The following RPS6KB1 variants were observed in gnomAD, a reference collection of about 807,000 sequenced individuals.
RPS6KB1 encodes the protein ribosomal protein S6 kinase B1.
A neutral mutation model predicts 70.2 loss-of-function variants in RPS6KB1; 12 were observed. The observed-to-expected ratio is 0.17, with a 90% confidence interval of 0.11 to 0.28. The LOEUF (loss-of-function observed/expected upper bound fraction) is 0.28, where lower values mean the gene tolerates loss of function less well. Among genes scored for constraint, RPS6KB1 ranks in the 10% least tolerant of loss-of-function variants. RPS6KB1 has a pLI of 1.00. For missense variants in RPS6KB1, 270 were observed against 646.6 expected, an observed-to-expected ratio of 0.42 and a Z score of 6.32; for synonymous variants, 175 against 211.2, an observed-to-expected ratio of 0.83 and a Z score of 1.49.
In RPS6KB1 at chr17:59,946,842, T is replaced by C. The variant is rs1343801630; in HGVS notation, c.*54T>C. On this transcript the variant is annotated 3_prime_UTR_variant, in exon 15 of 15. Coordinates refer to ENST00000225577, the MANE Select transcript of RPS6KB1 (RefSeq NM_003161.4). This position sits in a 1 kb window ranked among gnomAD's most constrained non-coding sequence, Gnocchi z 4.2. ...CAAAAAAGGTGGAGAGGGAGATGTG[T>C]GAGCATCCTGCAAGGTGAAACGACT... 1.2e-6 allele frequency: 2 copies of C among 1,601,642 alleles called. No individual in the cohort carries two copies. The highest frequency in any genetic ancestry group is 1.7e-5 in the Admixed American group (1 of 59,018).
chr17:59,944,774 C>T (rs942003518), intron 13 of RPS6KB1, among the ~76,000 whole-genome samples: 17 of 149,486 alleles, frequency 1.1e-4, no homozygotes, highest in African/African-American at 4.2e-4. Flanking sequence ...CTTTACATTT[C>T]TCCTAGTATT....
intron 4 of RPS6KB1, among the ~76,000 whole-genome samples, chr17:59,924,596 G>T (rs2043485303): frequency 6.6e-6 from 1 of 151,750 alleles, no homozygotes; most frequent in African/African-American, 2.4e-5. Context: ...TTACTCAGAA[G>T]GTATTCTCAA....
intron 13 of RPS6KB1, among the ~76,000 whole-genome samples, chr17:59,942,073 T>G (rs1188256964): frequency 1.3e-5 from 2 of 151,874 alleles, no homozygotes; most frequent in Admixed American, 6.6e-5. Flanking sequence ...TTAGCCAGGA[T>G]AGTTTTGATC....
intron 1 of RPS6KB1, among the ~76,000 whole-genome samples, chr17:59,909,226 C>CTTTTT (rs1165144356): frequency 3.8e-5 from 3 of 78,126 alleles, no homozygotes; most frequent in African/African-American, 4.9e-5. Context: ...CCGCACGTGG[C>CTTTTT]TTTTTTTTTT....
intron 5 of RPS6KB1, among the ~76,000 whole-genome samples, chr17:59,929,827 C>T (rs1010251817): frequency 7.9e-5 from 12 of 152,054 alleles, no homozygotes; most frequent in African/African-American, 2.7e-4. Flanking sequence ...TATTTTTTAA[C>T]CTCAGGTCTG....
chr17:59,927,806 C>T (rs1027860706), intron 5 of RPS6KB1, among the ~76,000 whole-genome samples: 8 of 151,276 alleles, frequency 5.3e-5, no homozygotes, highest in East Asian at 2.0e-4. Flanking sequence ...TGTGCCCGCC[C>T]GGAAAAACTT....
rs563559437 is a variant in RPS6KB1, at chr17:59,925,399, A to T, written c.382-1036A>T. ...TCTTTTGCCAATATTGAATGGCACC[A>T]TTATCTGTCCTATTACTTATGCAGA... On this transcript the variant is annotated intron_variant, in intron 4 of 14. Coordinates refer to ENST00000225577, the MANE Select transcript of RPS6KB1 (RefSeq NM_003161.4). Among the ~76,000 whole-genome samples the T allele has an allele frequency of 1.5e-3, 225 of 152,310 alleles. 6 individuals carry two copies. In the South Asian group the frequency reaches 0.046, roughly 31 times the overall value.
intron 4 of RPS6KB1, among the ~76,000 whole-genome samples, chr17:59,915,408 T>C (rs1350171150): frequency 6.6e-6 from 1 of 152,156 alleles, no homozygotes; most frequent in East Asian, 1.9e-4. Context: ...TGCAATTCTT[T>C]GCTGAGGTAA....
intron 4 of RPS6KB1, among the ~76,000 whole-genome samples, 166 bp downstream of exon 4, chr17:59,914,869 C>T (rs1272703030): frequency 2.0e-5 from 3 of 152,132 alleles, no homozygotes; most frequent in Non-Finnish European, 4.4e-5. Flanking sequence ...TGGTGCACAC[C>T]TGTGGTCCCA....
At chr17:59,925,184 T>G (rs752800350) in intron 4 of RPS6KB1, among the ~76,000 whole-genome samples, 1 of 151,894 alleles carries the variant, frequency 6.6e-6, no homozygotes, top group Non-Finnish European at 1.5e-5. Context: ...CCATAGGTTT[T>G]GGGCCAATAT....
Position 59,947,350 on chromosome 17 carries a change from GA to G in RPS6KB1, c.*567del. 1 of 1,159,816 alleles carries G rather than the reference GA, an allele frequency of 8.6e-7. No homozygotes were observed. The allele number at this position is 1,159,816 out of a possible 1,614,324, so 71.8% of individuals were successfully genotyped here. On this transcript the variant is annotated 3_prime_UTR_variant, in exon 15 of 15. Coordinates refer to ENST00000225577, the MANE Select transcript of RPS6KB1 (RefSeq NM_003161.4). The stretch of plus-strand genomic sequence containing the variant: ...ATAGATTTTTGATTCAGCTCATTAT[GA>G]AAAACATCCCAAACTTTAAAATGCG...
Position 59,893,664 on chromosome 17 carries a change from G to T in RPS6KB1, c.141+339G>T. 1.9e-6 allele frequency: 1 copy of T among 531,880 alleles called. No homozygotes were observed. Among genetic ancestry groups the T allele is most frequent in the Non-Finnish European group, 2.6e-6 (1 of 387,618 alleles). The allele number at this position is 531,880 out of a possible 1,614,324, so 32.9% of individuals were successfully genotyped here. The stretch of plus-strand genomic sequence containing the variant: ...GTGAGCGTGTGTTGGGGAGACGGGG[G>T]CTGCTCTTGCTGGGTGTCCCGTAAG... On this transcript the variant is annotated intron_variant, in intron 1 of 14. Coordinates refer to ENST00000225577, the MANE Select transcript of RPS6KB1 (RefSeq NM_003161.4). This position sits in a 1 kb window ranked among gnomAD's most constrained non-coding sequence, Gnocchi z 4.1.
rs1300324185 is a variant in RPS6KB1, at chr17:59,894,412, A to C, written c.141+1087A>C. On this transcript the variant is annotated intron_variant, in intron 1 of 14. Transcript: ENST00000225577. The stretch of plus-strand genomic sequence containing the variant: ...GTTTAGCATCTAAATTCCAATGTCT[A>C]GTTGAATACATGGGTTAATGACGTC... 2.0e-5 allele frequency among the ~76,000 whole-genome samples: 3 copies of C among 152,154 alleles called. No homozygotes were observed. In the East Asian group the frequency reaches 5.8e-4, roughly 29 times the overall value.
At chr17:59,911,381 G>C (rs370296771) in intron 2 of RPS6KB1, among the ~76,000 whole-genome samples, 81 of 152,056 alleles carry the variant, frequency 5.3e-4, no homozygotes, top group African/African-American at 1.9e-3. Context: ...TTTTTTTGGA[G>C]ATGGAGTCTC....
intron 13 of RPS6KB1, among the ~76,000 whole-genome samples, chr17:59,943,889 A>T (rs34759242): frequency 0.09 from 10,358 of 114,874 alleles, 437 homozygotes; most frequent in Middle Eastern, 0.14. Context: ...AAAAAAAAAA[A>T]TTATATATAT....
At chr17:59,896,180 G>GTTTAT (rs1304845580) in intron 1 of RPS6KB1, among the ~76,000 whole-genome samples, 1 of 151,888 alleles carries the variant, frequency 6.6e-6, no homozygotes, top group Non-Finnish European at 1.5e-5. Flanking sequence ...TCCAGACTGG[G>GTTTAT]TTTATTTTAT....
rs1454671664 is a variant in RPS6KB1, at chr17:59,950,514, CAT to C, written c.*3727_*3728del. The C allele has an allele frequency of 1.5e-5, 2 of 135,630 alleles. No individual in the cohort carries two copies. Among genetic ancestry groups the C allele is most frequent in the East Asian group, 2.2e-4 (1 of 4,508 alleles). 8.4% of individuals were successfully genotyped at this position (135,630 alleles called of 1,614,324 possible). A position where few individuals can be genotyped will look rare whatever the true frequency, so the allele number is the denominator to read the frequency against. ...TATAAATGGTTTAAATTTATTTTAA[CAT>C]GTCAGATGTGTTCAAGTTGTCATAT... is the stretch of plus-strand genomic sequence containing the variant. On this transcript the variant is annotated 3_prime_UTR_variant, in exon 15 of 15. Transcript: ENST00000225577.
intron 1 of RPS6KB1, among the ~76,000 whole-genome samples, chr17:59,898,919 C>T (rs1468276580): frequency 6.6e-6 from 1 of 151,506 alleles, no homozygotes; most frequent in Non-Finnish European, 1.5e-5. Context: ...AAAGAGTTTC[C>T]TGGCCAGGCG....
At chr17:59,942,192 G>A (rs1244167520) in intron 13 of RPS6KB1, among the ~76,000 whole-genome samples, 2 of 152,160 alleles carry the variant, frequency 1.3e-5, no homozygotes, top group African/African-American at 4.8e-5. Context: ...TGATCCACCC[G>A]CCTTGGCCTC....
Sources: gnomAD v4.1 joint callset for allele counts (sites outside exome capture counted in the v4.1 genomes callset) on GRCh38, gnomAD v4.1.1 for gene constraint, Gnocchi (gnomAD v3.1) non-coding constraint, MANE v1.5 for transcripts, NCBI Gene and HGNC (gene_info 2026-07-23, HGNC 2026-07-21) for gene names.